Variants in XRCC5 observed in about 807,000 individuals in gnomAD.
The protein encoded by XRCC5 is DNA repair protein Ku80.
Under a neutral mutation model 95.7 loss-of-function variants are expected in XRCC5, and 12 were observed. The observed-to-expected ratio is 0.13, with a 90% CI of 0.08 to 0.20. The LOEUF (loss-of-function observed/expected upper bound fraction) is 0.20. Ranked by LOEUF, XRCC5 falls within the 10% of genes least tolerant of loss-of-function variation. XRCC5 has a pLI of 1.00. For missense variants in XRCC5, 595 were observed against 873.9 expected, an observed-to-expected ratio of 0.68 and a Z score of 4.02; for synonymous variants, 281 against 290.3, an observed-to-expected ratio of 0.97 and a Z score of 0.33.
rs207879 is a variant in XRCC5, at chr2:216,134,616, A to G, written c.1113+2229A>G. Among the ~76,000 whole-genome samples, 9 of 150,620 alleles carry G rather than the reference A, an allele frequency of 6.0e-5. No homozygotes were observed. In the East Asian group the frequency reaches 9.8e-4, roughly 16 times the overall value. On this transcript the variant is annotated intron_variant, in intron 10 of 20. Coordinates refer to ENST00000392132, the MANE Select transcript of XRCC5 (RefSeq NM_021141.4). Reference sequence around the variant, plus strand: ...CTAATTTTTGTATTTTTTGTAGAGAAGGGGGTTTCACGATGTTGGCTAGGC... The same window carrying G: ...CTAATTTTTGTATTTTTTGTAGAGAGGGGGGTTTCACGATGTTGGCTAGGC...
chr2:216,174,300 A>G (rs1689229076), intron 16 of XRCC5, among the ~76,000 whole-genome samples: 1 of 152,206 alleles, frequency 6.6e-6, no homozygotes, highest in South Asian at 2.1e-4. Context: ...TTCTCTTCAC[A>G]TGTCAGTGCC....
intron 14 of XRCC5, among the ~76,000 whole-genome samples, chr2:216,151,247 C>A (rs1688738756): frequency 6.6e-6 from 1 of 152,150 alleles, no homozygotes; most frequent in Non-Finnish European, 1.5e-5. Context: ...TAAATATTAC[C>A]CTCATCATAT....
chr2:216,149,707 A>C (rs1688707727), intron 14 of XRCC5, among the ~76,000 whole-genome samples: 1 of 152,000 alleles, frequency 6.6e-6, no homozygotes, highest in African/African-American at 2.4e-5. Flanking sequence ...TTAAAATGTA[A>C]ATTAGCTAGT....
chr2:216,154,744 T>C (rs1688810753), intron 14 of XRCC5, among the ~76,000 whole-genome samples: 1 of 152,232 alleles, frequency 6.6e-6, no homozygotes, highest in South Asian at 2.1e-4. Flanking sequence ...GAAGTTTGGA[T>C]ATAATTTCTG....
intron 13 of XRCC5, among the ~76,000 whole-genome samples, chr2:216,144,469 G>A (rs534782370): frequency 6.6e-6 from 1 of 152,324 alleles, no homozygotes; most frequent in Admixed American, 6.5e-5. Context: ...GATGGAGAGA[G>A]TGGAGACGAG....
At position 216,199,808 on chromosome 2, in the gene XRCC5, A is replaced by ATTTTTTTTTTTT. The variant is rs879564899; in HGVS notation, c.2110-4513_2110-4512insTTTTTTTTTTTT. ...GAGGATTTATCCCCATGGCATTGGGATCTTTTTTTTTTTTTTTTTTTTTTT... is the reference window on the plus strand; with the variant it reads ...GAGGATTTATCCCCATGGCATTGGGATTTTTTTTTTTTTCTTTTTTTTTTTTTTTTTTTTTTT... On this transcript the variant is annotated intron_variant, in intron 19 of 20. Coordinates refer to ENST00000392132, the MANE Select transcript of XRCC5 (RefSeq NM_021141.4). 4.1e-5 allele frequency among the ~76,000 whole-genome samples: 5 copies of ATTTTTTTTTTTT among 121,900 alleles called. 1 individual carries two copies. Among genetic ancestry groups the ATTTTTTTTTTTT allele is most frequent in the Non-Finnish European group, 3.3e-5 (2 of 60,918 alleles). 80.0% of individuals were successfully genotyped at this position (121,900 alleles called of 152,430 possible).
intron 14 of XRCC5, among the ~76,000 whole-genome samples, chr2:216,150,314 A>T (rs1041698757): frequency 1.3e-5 from 2 of 152,168 alleles, no homozygotes; most frequent in Non-Finnish European, 2.9e-5. Flanking sequence ...TTTTACCTTT[A>T]TGAGATTTTC....
At chr2:216,165,241 C>T (rs997768215) in intron 16 of XRCC5, among the ~76,000 whole-genome samples, 7 of 152,130 alleles carry the variant, frequency 4.6e-5, no homozygotes, top group African/African-American at 1.7e-4. Flanking sequence ...TATCTGAAAC[C>T]TTGTACCTAC....
intron 16 of XRCC5, among the ~76,000 whole-genome samples, chr2:216,179,729 CAG>C (rs1689347293): frequency 6.6e-6 from 1 of 152,130 alleles, no homozygotes; most frequent in Admixed American, 6.5e-5. Context: ...GCTGAGAAGT[CAG>C]AGAGCTGGCT....
intron 16 of XRCC5, among the ~76,000 whole-genome samples, chr2:216,186,675 A>G (rs1007268407): frequency 2.6e-5 from 4 of 152,192 alleles, no homozygotes; most frequent in African/African-American, 9.7e-5. Flanking sequence ...TTTAGCTACT[A>G]ATGAGTATTA....
chr2:216,205,150 G>C (rs575700008), intron 20 of XRCC5, 38 bp from the exon 21 acceptor site: 93 of 1,613,380 alleles, frequency 5.8e-5, no homozygotes, highest in Non-Finnish European at 7.6e-5. Context: ...TATGAAATTG[G>C]CCTGATTCCT....
chr2:216,112,257 T>TA (rs1696602457), intron 1 of XRCC5, among the ~76,000 whole-genome samples: 1 of 152,248 alleles, frequency 6.6e-6, no homozygotes, highest in Non-Finnish European at 1.5e-5. Flanking sequence ...GTCTGTCACT[T>TA]ACTTGTTCAC....
intron 16 of XRCC5, among the ~76,000 whole-genome samples, chr2:216,188,324 G>T (rs1015774499): frequency 6.6e-6 from 1 of 152,140 alleles, no homozygotes; most frequent in Non-Finnish European, 1.5e-5. Flanking sequence ...TTATTTCCCA[G>T]TGTTAATTTT....
intron 18 of XRCC5, among the ~76,000 whole-genome samples, chr2:216,194,640 A>T (rs1415698161): frequency 6.6e-6 from 1 of 152,160 alleles, no homozygotes; most frequent in African/African-American, 2.4e-5. Context: ...ATAGTTTTAT[A>T]TTTTTTGTAG....
chr2:216,170,726 A>C (rs953483208), intron 16 of XRCC5, among the ~76,000 whole-genome samples: 1 of 152,230 alleles, frequency 6.6e-6, no homozygotes, highest in Non-Finnish European at 1.5e-5. Flanking sequence ...TTCCGATGGA[A>C]ATGCAGAACT....
chr2:216,156,613 C>T (rs2106024399), intron 14 of XRCC5: 3 of 569,418 alleles, frequency 5.3e-6, no homozygotes, highest in Non-Finnish European at 1.1e-5. Flanking sequence ...CTGGACTTAA[C>T]TTCTTTGCAT....
Position 216,190,275 on chromosome 2 carries a change from A to T in XRCC5, c.1885A>T (p.Thr629Ser). The T allele has an allele frequency of 6.2e-7, 1 of 1,614,060 alleles. No homozygotes were observed. The highest frequency in any genetic ancestry group is 2.2e-5 in the East Asian group (1 of 44,882). ...HIEQFLDTNETPYFMKSIDCI... is the reference protein window; with the variant it reads ...HIEQFLDTNESPYFMKSIDCI... The stretch of plus-strand genomic sequence containing the variant: ...CGAACAGTTTTTGGATACTAATGAA[A>T]CACCGTATTTTATGAAGAGCATAGA... Residue 629 changes from threonine (T) to serine (S), a missense_variant, in exon 17 of 21, where the codon ACA becomes TCA. By Grantham distance (58) the Thr-to-Ser change is moderately conservative (BLOSUM62 1). Transcript: ENST00000392132.
At chr2:216,205,079 A>T in intron 20 of XRCC5, 109 bp from the exon 21 acceptor site, 1 of 1,300,164 alleles carries the variant, frequency 7.7e-7, no homozygotes, top group Non-Finnish European at 1.1e-6. Context: ...GAGCAAGTAC[A>T]TGCATGCCTT....
At chr2:216,191,461 G>T (rs549884469) in intron 17 of XRCC5, among the ~76,000 whole-genome samples, 31 of 151,812 alleles carry the variant, frequency 2.0e-4, no homozygotes, top group South Asian at 4.2e-4. Flanking sequence ...GCCCAGGCTG[G>T]AGTGCAGTGG....
Sources: gnomAD v4.1 joint callset for allele counts (sites outside exome capture counted in the v4.1 genomes callset) on GRCh38, gnomAD v4.1.1 for gene constraint, MANE v1.5 for transcripts, NCBI Gene and HGNC (gene_info 2026-07-23, HGNC 2026-07-21) for gene names.